The following HIBCH variants were observed in gnomAD, a reference collection of about 807,000 sequenced individuals.
HIBCH encodes the protein 3-hydroxyisobutyryl-CoA hydrolase, also known as 3-hydroxyisobutyryl-CoA hydrolase, mitochondrial.
HIBCH carries 50 observed loss-of-function variants against 58.2 expected under a neutral mutation model. The observed-to-expected ratio is 0.86, with a 90% CI of 0.68 to 1.09. The LOEUF (loss-of-function observed/expected upper bound fraction) is 1.09, where lower values mean the gene tolerates loss of function less well. Ranked by LOEUF, HIBCH falls within the 50% of genes least tolerant of loss-of-function variation. The pLI, the probability that HIBCH is intolerant of heterozygous loss-of-function variation, is 0.00. For synonymous variants in HIBCH, 151 were observed against 146.9 expected (o/e 1.03, Z -0.20); for missense variants, 450 against 449.7 (o/e 1.00, Z -0.01).
chr2:190,270,268 CTTT>C (rs33918420), intron 6 of HIBCH, among the ~76,000 whole-genome samples: 17 of 143,416 alleles, frequency 1.2e-4, no homozygotes, highest in East Asian at 2.1e-4. Context: ...GTTATTACAC[CTTT>C]TTTTTTTTTA....
intron 6 of HIBCH, among the ~76,000 whole-genome samples, chr2:190,276,868 A>C (rs545218373): frequency 6.6e-6 from 1 of 152,352 alleles, no homozygotes; most frequent in East Asian, 1.9e-4. Flanking sequence ...GCATTTGCAT[A>C]GTTAAATTCC....
At chr2:190,213,706 G>A (rs1223818703) in intron 11 of HIBCH, 1 of 153,068 alleles carries the variant, frequency 6.5e-6, no homozygotes, top group African/African-American at 2.4e-5. Flanking sequence ...AACTAACTAG[G>A]ATTGCAATGC....
chr2:190,227,579 T>G (rs908314635), intron 11 of HIBCH, among the ~76,000 whole-genome samples: 4 of 151,640 alleles, frequency 2.6e-5, no homozygotes, highest in Non-Finnish European at 4.4e-5. Flanking sequence ...TGGGATCTAA[T>G]TAAACAGCAA....
intron 2 of HIBCH, among the ~76,000 whole-genome samples, chr2:190,307,659 G>A (rs1688446809): frequency 6.6e-6 from 1 of 152,012 alleles, no homozygotes; most frequent in Admixed American, 6.6e-5. Flanking sequence ...GCAAGACCTT[G>A]TCTCAAACAA....
rs1056375121 is a variant in HIBCH, at chr2:190,279,385, A to G, written c.438+8201T>C. ...TCATATCCTTCTCACATACAAATAC[A>G]TTCACTCCAGCTCCATATCCTCAAA... On this transcript the variant is annotated intron_variant, in intron 6 of 13. Transcript: ENST00000359678. This position sits in a 1 kb window ranked among gnomAD's most constrained non-coding sequence, Gnocchi z 4.2. Among the ~76,000 whole-genome samples the G allele has an allele frequency of 1.3e-5, 2 of 152,136 alleles. No individual in the cohort carries two copies. The highest frequency in any genetic ancestry group is 4.8e-5 in the African/African-American group (2 of 41,410).
At chr2:190,241,419 A>T (rs1412262176) in intron 11 of HIBCH, among the ~76,000 whole-genome samples, 3 of 152,116 alleles carry the variant, frequency 2.0e-5, no homozygotes, top group Non-Finnish European at 4.4e-5. Flanking sequence ...CTCTTTATCC[A>T]ATTTGCTAGT....
chr2:190,218,250 G>C (rs1685616907), intron 11 of HIBCH, among the ~76,000 whole-genome samples: 1 of 152,084 alleles, frequency 6.6e-6, no homozygotes, highest in African/African-American at 2.4e-5. Context: ...ATCAGGTCTG[G>C]TGGACCACAC....
At chr2:190,272,218 G>A (rs1015351614) in intron 6 of HIBCH, among the ~76,000 whole-genome samples, 5 of 152,174 alleles carry the variant, frequency 3.3e-5, no homozygotes, top group Non-Finnish European at 7.4e-5. Flanking sequence ...CTAGGAGAAA[G>A]GAAAACATGT....
intron 7 of HIBCH, among the ~76,000 whole-genome samples, chr2:190,258,062 G>A (rs889734738): frequency 1.1e-4 from 16 of 152,106 alleles, no homozygotes; most frequent in Non-Finnish European, 1.9e-4. Flanking sequence ...CCCCAGTGTC[G>A]AATGAGGGGC....
chr2:190,261,131 T>C, intron 7 of HIBCH, 25 bp downstream of exon 7: 1 of 1,546,660 alleles, frequency 6.5e-7, no homozygotes, highest in Non-Finnish European at 8.9e-7. Flanking sequence ...TAAAAGTAAT[T>C]ATAAAAAAAA....
intron 2 of HIBCH, among the ~76,000 whole-genome samples, chr2:190,305,990 A>T (rs1688394590): frequency 6.6e-6 from 1 of 152,140 alleles, no homozygotes; most frequent in African/African-American, 2.4e-5. Context: ...ATAAACTATT[A>T]GCAAAAATGG....
rs1689928405 is a variant in HIBCH at position 190,195,516 on chromosome 2, AAC to A, written c.*18-5521_*18-5520del. The stretch of plus-strand genomic sequence containing the variant: ...ACAATTCCTGAATGACATGATGTTG[AAC>A]ACTTTTCCATACGTTTATGTGCCAC... On this transcript the variant is annotated intron_variant, in intron 1 of 1. Coordinates refer to the HIBCH transcript ENST00000399855. Among the ~76,000 whole-genome samples the A allele has an allele frequency of 7.9e-5, 12 of 152,330 alleles. No individual in the cohort carries two copies. In the South Asian group the frequency reaches 2.5e-3, roughly 32 times the overall value.
rs10650285 is a variant in HIBCH, at chr2:190,208,668, A to ATT, written c.1045+210_1045+211dup. Reference sequence around the variant, plus strand: ...TGGGATCAGAAGTGTTTCAGGTTTGATTTTTTTTTTTTTTTTCAGATTTTG... The same window carrying ATT: ...TGGGATCAGAAGTGTTTCAGGTTTGATTTTTTTTTTTTTTTTTTCAGATTTTG... On this transcript the variant is annotated intron_variant, in intron 13 of 13. Coordinates refer to ENST00000359678, the MANE Select transcript of HIBCH (RefSeq NM_014362.4). The ATT allele has an allele frequency of 0.17, 77,740 of 456,712 alleles. 4,927 individuals carry two copies. The highest frequency in any genetic ancestry group is 0.3 in the African/African-American group (13,164 of 44,382). The allele number at this position is 456,712 out of a possible 1,614,324, so 28.3% of individuals were successfully genotyped here.
At chr2:190,272,703 C>T (rs1687431297) in intron 6 of HIBCH, among the ~76,000 whole-genome samples, 1 of 151,578 alleles carries the variant, frequency 6.6e-6, no homozygotes. Flanking sequence ...TCAAAGTTGC[C>T]AAGAATATCT....
chr2:190,205,370 T>G, intron 13 of HIBCH, 138 bp from the exon 14 acceptor site: 1 of 620,906 alleles, frequency 1.6e-6, no homozygotes, highest in Admixed American at 2.8e-5. Flanking sequence ...TTTATATGTA[T>G]TCTATTTTTC....
At chr2:190,314,437 A>G (rs182270706) in intron 1 of HIBCH, among the ~76,000 whole-genome samples, 7 of 150,566 alleles carry the variant, frequency 4.6e-5, no homozygotes, top group Non-Finnish European at 8.9e-5. Context: ...ACACACAACC[A>G]AATTCCTTGT....
Position 190,252,215 on chromosome 2 carries a change from C to A in HIBCH, c.610G>T (p.Gly204Ter). 1 of 1,613,800 alleles carries A rather than the reference C, an allele frequency of 6.2e-7. No individual in the cohort carries two copies. The highest frequency in any genetic ancestry group is 1.7e-5 in the Admixed American group (1 of 60,000). Residue 204 changes from glycine to a stop codon, truncating the protein, a stop_gained, in exon 8 of 14, where the codon GGA (glycine) becomes TGA (stop). Coordinates refer to ENST00000359678, the MANE Select transcript of HIBCH (RefSeq NM_014362.4). LOFTEE classifies it high-confidence loss of function. ...ATTCCTGCTCTGTACACATCTCTTC[C>A]TTTTAGTCTGAATCCTGTTAATGCA... ...FLALTGFRLK[G>*]RDVYRAGIAT... is the part of the protein sequence containing the mutation.
At chr2:190,314,310 T>TATATATAC (rs1688641513) in intron 1 of HIBCH, among the ~76,000 whole-genome samples, 5 of 9,542 alleles carry the variant, frequency 5.2e-4, no homozygotes, top group African/African-American at 6.4e-4. Flanking sequence ...CATATATATG[T>TATATATAC]GTATATATAT....
intron 3 of HIBCH, among the ~76,000 whole-genome samples, chr2:190,296,452 TGA>T (rs1274428354): frequency 2.0e-5 from 3 of 147,028 alleles, no homozygotes; most frequent in African/African-American, 7.5e-5. Context: ...TGTCTTCAAA[TGA>T]AAAGGCCGTC....
Sources: allele counts gnomAD v4.1 joint callset (sites outside exome capture counted in the v4.1 genomes callset), GRCh38; gene constraint gnomAD v4.1.1; non-coding constraint Gnocchi (gnomAD v3.1); transcripts MANE v1.5; gene names NCBI Gene and HGNC (gene_info 2026-07-23, HGNC 2026-07-21).